Variants in DRC9 observed in about 807,000 individuals in gnomAD.
DRC9 encodes dynein regulatory complex subunit 9.
chr3:197,948,378 A>G, the DRC9 span, among the ~76,000 whole-genome samples: 9 of 152,212 alleles, frequency 5.9e-5, no homozygotes, highest in Non-Finnish European at 1.2e-4. Flanking sequence ...TCATGCCACT[A>G]CTTTCCCGCA....
chr3:197,933,008 AAT>A, the DRC9 span, among the ~76,000 whole-genome samples: 5 of 141,480 alleles, frequency 3.5e-5, no homozygotes, highest in Admixed American at 7.5e-5. Context: ...ATATATGTAT[AAT>A]ATATATTAAT....
the DRC9 span, among the ~76,000 whole-genome samples, chr3:197,920,761 C>T: frequency 6.6e-6 from 1 of 151,834 alleles, no homozygotes; most frequent in Non-Finnish European, 1.5e-5. Context: ...TTCTTTTTTT[C>T]CCAGGAGTTT....
At chr3:197,915,546 C>T in the DRC9 span, among the ~76,000 whole-genome samples, 9 of 152,298 alleles carry the variant, frequency 5.9e-5, no homozygotes, top group South Asian at 1.0e-3. Context: ...GGGGACCTGA[C>T]GGCACAGCAA....
At chr3:197,943,422 G>A in the DRC9 span, among the ~76,000 whole-genome samples, 1 of 152,054 alleles carries the variant, frequency 6.6e-6, no homozygotes, top group Non-Finnish European at 1.5e-5. Context: ...TATTTCCCAC[G>A]TGATATTTAA....
At chr3:197,903,964 A>T in the DRC9 span, among the ~76,000 whole-genome samples, 1 of 149,646 alleles carries the variant, frequency 6.7e-6, no homozygotes, top group East Asian at 1.9e-4. Flanking sequence ...TATGTGTATA[A>T]CATATACATA....
At chr3:197,924,395 G>A in the DRC9 span, among the ~76,000 whole-genome samples, 60,229 of 152,072 alleles carry the variant, frequency 0.4, 16,547 homozygotes, top group African/African-American at 0.79. Context: ...AAATAAAAAT[G>A]AAATATATAA....
At chr3:197,915,163 CAAAA>C in the DRC9 span, among the ~76,000 whole-genome samples, 3 of 71,364 alleles carry the variant, frequency 4.2e-5, no homozygotes, top group African/African-American at 4.4e-5. Flanking sequence ...GATTCTGTCT[CAAAA>C]AAAAAAAAAA....
chr3:197,914,240 T>A, the DRC9 span, among the ~76,000 whole-genome samples: 1 of 152,142 alleles, frequency 6.6e-6, no homozygotes, highest in African/African-American at 2.4e-5. Flanking sequence ...TTTCTAAGAA[T>A]CAGGGCGCAT....
the DRC9 span, among the ~76,000 whole-genome samples, chr3:197,904,172 CCAAA>C: frequency 4.0e-5 from 6 of 149,198 alleles, no homozygotes; most frequent in Non-Finnish European, 8.9e-5. Flanking sequence ...CACACAAACA[CCAAA>C]CAGACATATA....
chr3:197,917,897 A>AT, the DRC9 span, among the ~76,000 whole-genome samples: 7 of 151,102 alleles, frequency 4.6e-5, no homozygotes, highest in African/African-American at 1.7e-4. Context: ...TGCCTGGCTA[A>AT]TTTTTTAATT....
At chr3:197,950,048 TA>T in the DRC9 span, 1 of 994,492 alleles carries the variant, frequency 1.0e-6, no homozygotes, top group Non-Finnish European at 1.3e-6. Context: ...AAAATAATTG[TA>T]AGAGTGCTAT....
At chr3:197,947,363 C>T in the DRC9 span, among the ~76,000 whole-genome samples, 7 of 152,088 alleles carry the variant, frequency 4.6e-5, no homozygotes, top group Non-Finnish European at 1.0e-4. Flanking sequence ...AATGGTTTCC[C>T]GTTGCCTTAG....
chr3:197,942,755 T>C, the DRC9 span, among the ~76,000 whole-genome samples: 1 of 151,906 alleles, frequency 6.6e-6, no homozygotes, highest in Non-Finnish European at 1.5e-5. Context: ...CCGTCTCTAC[T>C]AAAAGTACAA....
At chr3:197,935,574 C>T in the DRC9 span, among the ~76,000 whole-genome samples, 1 of 152,102 alleles carries the variant, frequency 6.6e-6, no homozygotes, top group African/African-American at 2.4e-5. Context: ...ACCTCAACCT[C>T]CCCGGCTTGA....
chr3:197,951,714 G>C, the DRC9 span: 1 of 218,008 alleles, frequency 4.6e-6, no homozygotes, highest in East Asian at 1.2e-4. Context: ...TTGTTTTTTT[G>C]TTTTTGTGAC....
chr3:197,924,771 G>A, the DRC9 span, among the ~76,000 whole-genome samples: 1 of 152,010 alleles, frequency 6.6e-6, no homozygotes, highest in Non-Finnish European at 1.5e-5. Flanking sequence ...GCCCGTCTTG[G>A]CTTCCCAAAG....
At chr3:197,930,126 G>A in the DRC9 span, among the ~76,000 whole-genome samples, 115 of 151,722 alleles carry the variant, frequency 7.6e-4, 2 homozygotes, top group Middle Eastern at 3.4e-3. Context: ...AGGCCAAGAC[G>A]GGCAGATCAC....
the DRC9 span, among the ~76,000 whole-genome samples, chr3:197,900,257 G>T: frequency 6.6e-6 from 1 of 152,226 alleles, no homozygotes; most frequent in South Asian, 2.1e-4. This position sits in a 1 kb window ranked among gnomAD's most constrained non-coding sequence, Gnocchi z 4.7. Context: ...TGTGGACTTG[G>T]GGGACTTGGA....
At chr3:197,955,409 C>A in the DRC9 span, among the ~76,000 whole-genome samples, 1 of 151,964 alleles carries the variant, frequency 6.6e-6, no homozygotes, top group African/African-American at 2.4e-5. Flanking sequence ...ACTATAGGCA[C>A]GTACCACCAT....
Sources: allele counts gnomAD v4.1 joint callset (sites outside exome capture counted in the v4.1 genomes callset), GRCh38; gene constraint gnomAD v4.1.1; non-coding constraint Gnocchi (gnomAD v3.1); transcripts MANE v1.5; gene names NCBI Gene and HGNC (gene_info 2026-07-23, HGNC 2026-07-21).